The following CELA3B variants were observed in gnomAD, a reference collection of about 807,000 sequenced individuals.
The protein encoded by CELA3B is chymotrypsin like elastase 3B.
In CELA3B, 34 loss-of-function variants were observed where a neutral mutation model predicts 37.2. The ratio of observed to expected loss-of-function variants is 0.91; its 90% CI spans 0.70 to 1.22. The LOEUF is 1.22. Ranked by LOEUF, CELA3B falls within the 50% of genes most tolerant of loss-of-function variation. The pLI is 0.00. For synonymous variants in CELA3B, 127 were observed against 143.5 expected (o/e 0.89, Z 0.82); for missense variants, 340 against 363.1 (o/e 0.94, Z 0.52).
intron 2 of CELA3B, among the ~76,000 whole-genome samples, chr1:21,978,937 C>T (rs1644787801): frequency 6.6e-6 from 1 of 151,550 alleles, no homozygotes; most frequent in African/African-American, 2.4e-5. Context: ...ATCCCAGCTA[C>T]CCAGGAGGCT....
chr1:21,986,959 G>A (rs1372095182), intron 7 of CELA3B: 1 of 441,260 alleles, frequency 2.3e-6, no homozygotes, highest in Non-Finnish European at 4.3e-6. Context: ...GTCCTCTCTT[G>A]TCAGGGAGGA....
intron 6 of CELA3B, among the ~76,000 whole-genome samples, chr1:21,985,921 C>CACT (rs113449251): frequency 9.3e-5 from 13 of 140,206 alleles, no homozygotes; most frequent in African/African-American, 3.2e-4. Flanking sequence ...CAAATACCCT[C>CACT]GTATTATAAT....
chr1:21,977,276 T>C (rs1209540913), intron 1 of CELA3B, among the ~76,000 whole-genome samples, 194 bp downstream of exon 1: 5 of 152,024 alleles, frequency 3.3e-5, no homozygotes, highest in Non-Finnish European at 5.9e-5. Flanking sequence ...AAGCCGTGGA[T>C]GGAGAAAGAC....
At chr1:21,992,290 G>T (rs1644871998), downstream of CELA3B, among the ~76,000 whole-genome samples, 1 of 151,712 alleles carries the variant, frequency 6.6e-6, no homozygotes, top group Admixed American at 6.6e-5. Context: ...CTACTCAGGA[G>T]GTGGAGACAG....
chr1:21,993,354 T>G (rs1274488671), downstream of CELA3B, among the ~76,000 whole-genome samples: 2 of 150,388 alleles, frequency 1.3e-5, no homozygotes, highest in Admixed American at 6.6e-5. Flanking sequence ...CCCAGCTACT[T>G]TGGAGGCTGA....
intron 4 of CELA3B, among the ~76,000 whole-genome samples, chr1:21,997,656 T>C (rs1316757838): frequency 2.7e-5 from 4 of 148,886 alleles, no homozygotes; most frequent in Non-Finnish European, 5.9e-5. Flanking sequence ...GCCATTGCAC[T>C]CCAGCCTGGG....
chr1:21,991,986 G>A (rs1219280200), downstream of CELA3B, among the ~76,000 whole-genome samples: 1 of 151,006 alleles, frequency 6.6e-6, no homozygotes, highest in East Asian at 2.0e-4. Context: ...CAGGTGTGGT[G>A]GTGGGTGCCT....
chr1:21,997,360 A>AG (rs1476726838), intron 4 of CELA3B, among the ~76,000 whole-genome samples: 2 of 137,518 alleles, frequency 1.5e-5, no homozygotes, highest in Admixed American at 7.0e-5. Flanking sequence ...CAAAAAAAAA[A>AG]AAAAGAGCAA....
intron 4 of CELA3B, among the ~76,000 whole-genome samples, chr1:21,982,990 AAGG>A (rs1423997990): frequency 1.3e-5 from 2 of 152,188 alleles, no homozygotes; most frequent in Non-Finnish European, 2.9e-5. Context: ...TAAAGGGTCA[AAGG>A]AGCGGACAAT....
chr1:21,982,922 G>A (rs866784153), intron 4 of CELA3B, among the ~76,000 whole-genome samples: 9 of 152,110 alleles, frequency 5.9e-5, no homozygotes, highest in Admixed American at 1.3e-4. Flanking sequence ...CTCGTGATCC[G>A]CAGCAGTCTG....
chr1:21,983,871 A>G, intron 5 of CELA3B, 41 bp downstream of exon 5: 1 of 1,608,950 alleles, frequency 6.2e-7, no homozygotes, highest in Middle Eastern at 1.7e-4. Flanking sequence ...GGACAGTGGC[A>G]GAAAGACAGG....
At position 21,978,425 on chromosome 1, in the gene CELA3B, G is replaced by T; in HGVS notation, c.100G>T (p.Asp34Tyr). Residue 34 changes from aspartate (D) to tyrosine (Y), a missense_variant, in exon 2 of 8, where the codon GAT (aspartate) becomes TAT (tyrosine). Physicochemically the swap from Asp to Tyr is radical, Grantham distance 160. Coordinates refer to ENST00000337107, the MANE Select transcript of CELA3B (RefSeq NM_007352.4). ...TTCCAGCCGCGTTGTCAATGGTGAG[G>T]ATGCGGTCCCCTACAGCTGGCCCTG... Reference protein sequence around the residue: ...RPSSRVVNGEDAVPYSWPWQV... With the variant: ...RPSSRVVNGEYAVPYSWPWQV... 6.2e-7 allele frequency: 1 copy of T among 1,614,092 alleles called. No homozygotes were observed. Among genetic ancestry groups the T allele is most frequent in the Non-Finnish European group, 8.5e-7 (1 of 1,179,946 alleles).
At chr1:21,992,650 G>T (rs1468881532), downstream of CELA3B, among the ~76,000 whole-genome samples, 4 of 151,570 alleles carry the variant, frequency 2.6e-5, no homozygotes, top group Non-Finnish European at 5.9e-5. Flanking sequence ...TGATCTCAAG[G>T]CCAGTGCTTG....
intron 7 of CELA3B, among the ~76,000 whole-genome samples, chr1:21,988,260 C>T (rs1451594435): frequency 1.2e-4 from 17 of 140,388 alleles, no homozygotes; most frequent in African/African-American, 4.3e-4. Flanking sequence ...GATTTATAGA[C>T]CATTTAATCC....
At chr1:21,982,024 C>G (rs1644809097) in intron 4 of CELA3B, among the ~76,000 whole-genome samples, 1 of 152,148 alleles carries the variant, frequency 6.6e-6, no homozygotes, top group Non-Finnish European at 1.5e-5. Context: ...CGCGCCCTGC[C>G]ATATGAAAAA....
chr1:21,988,377 G>A (rs1387914704), intron 7 of CELA3B, among the ~76,000 whole-genome samples: 3 of 151,774 alleles, frequency 2.0e-5, no homozygotes, highest in East Asian at 1.9e-4. Context: ...AGATCATAAG[G>A]TCAGGAGTTC....
chr1:21,982,561 C>T (rs1387429363), intron 4 of CELA3B, among the ~76,000 whole-genome samples: 1 of 150,680 alleles, frequency 6.6e-6, no homozygotes, highest in Non-Finnish European at 1.5e-5. Flanking sequence ...CGTGCCATTA[C>T]ACTCCAGCCT....
At chr1:21,982,289 C>G (rs1180408569) in intron 4 of CELA3B, among the ~76,000 whole-genome samples, 1 of 152,046 alleles carries the variant, frequency 6.6e-6, no homozygotes, top group African/African-American at 2.4e-5. Flanking sequence ...CTGGCAGTAT[C>G]AGCATCACCT....
At chr1:21,982,005 A>C (rs145249052) in intron 4 of CELA3B, among the ~76,000 whole-genome samples, 1 of 152,076 alleles carries the variant, frequency 6.6e-6, no homozygotes, top group Non-Finnish European at 1.5e-5. Context: ...GATTACAGGC[A>C]TGAGCCACCG....
Sources: gnomAD v4.1 joint callset for allele counts (sites outside exome capture counted in the v4.1 genomes callset) on GRCh38, gnomAD v4.1.1 for gene constraint, MANE v1.5 for transcripts, NCBI Gene and HGNC (gene_info 2026-07-23, HGNC 2026-07-21) for gene names.